The following ST7 variants were observed in gnomAD, a reference collection of about 807,000 sequenced individuals.
ST7 encodes the protein suppressor of tumorigenicity 7 protein.
In ST7, 28 loss-of-function variants were observed where a neutral mutation model predicts 78.7. The ratio of observed to expected loss-of-function variants is 0.36; its 90% CI spans 0.26 to 0.49. The LOEUF (loss-of-function observed/expected upper bound fraction) is 0.49, where lower values mean the gene tolerates loss of function less well. Ranked by LOEUF, ST7 falls within the 20% of genes least tolerant of loss-of-function variation. ST7 has a pLI of 0.99. For synonymous variants in ST7, 247 were observed against 249.6 expected (o/e 0.99, Z 0.10); for missense variants, 418 against 696.0 (o/e 0.60, Z 4.49).
At chr7:117,173,252 T>C (rs1271177809) in intron 10 of ST7, among the ~76,000 whole-genome samples, 1 of 152,220 alleles carries the variant, frequency 6.6e-6, no homozygotes, top group Non-Finnish European at 1.5e-5. Context: ...ATATTGTTGC[T>C]GAGATGCCTC....
chr7:117,100,545 G>GT (rs201131686), intron 2 of ST7, among the ~76,000 whole-genome samples: 208 of 151,514 alleles, frequency 1.4e-3, no homozygotes, highest in African/African-American at 4.5e-3. Context: ...ATATAGCTTA[G>GT]TTTTTTTTTA....
chr7:117,073,528 C>G (rs1799127339), intron 1 of ST7, among the ~76,000 whole-genome samples: 1 of 152,146 alleles, frequency 6.6e-6, no homozygotes, highest in South Asian at 2.1e-4. Flanking sequence ...TCTGGTACTC[C>G]TGAAAAGAGG....
intron 9 of ST7, among the ~76,000 whole-genome samples, chr7:117,153,806 G>A (rs1373858387): frequency 6.6e-6 from 1 of 152,198 alleles, no homozygotes; most frequent in African/African-American, 2.4e-5. Flanking sequence ...CGAATGTGAG[G>A]TAAGATGTCT....
intron 10 of ST7, among the ~76,000 whole-genome samples, chr7:117,188,127 A>G (rs1232537797): frequency 1.3e-5 from 2 of 152,230 alleles, no homozygotes; most frequent in Non-Finnish European, 2.9e-5. Flanking sequence ...TCCCTCAAAG[A>G]GAAATTCCTT....
intron 1 of ST7, among the ~76,000 whole-genome samples, chr7:117,036,946 G>A (rs1184595887): frequency 6.6e-6 from 1 of 152,108 alleles, no homozygotes; most frequent in African/African-American, 2.4e-5. Context: ...GCCGCTTACA[G>A]AATTCAGCAG....
At chr7:116,953,826 C>T (rs1478226944) in intron 1 of ST7, 135 bp downstream of exon 1, 3 of 495,164 alleles carry the variant, frequency 6.1e-6, no homozygotes, top group East Asian at 1.4e-4. Flanking sequence ...CCGCGGCTAC[C>T]CGCCAGCAAC....
intron 1 of ST7, among the ~76,000 whole-genome samples, chr7:117,080,138 G>A (rs957808652): frequency 2.0e-5 from 3 of 151,552 alleles, no homozygotes; most frequent in African/African-American, 4.8e-5. Context: ...CCGCCACTAC[G>A]CCCGGCTAAT....
chr7:117,030,496 A>G (rs1796419691), intron 1 of ST7, among the ~76,000 whole-genome samples: 1 of 152,200 alleles, frequency 6.6e-6, no homozygotes, highest in South Asian at 2.1e-4. Context: ...ACATACAGGC[A>G]AAAAACAACC....
At position 117,013,246 on chromosome 7, in the gene ST7, TCATAA is replaced by T. The variant is rs532289391; in HGVS notation, c.151+59559_151+59563del. Among the ~76,000 whole-genome samples, 12 of 152,320 alleles carry T rather than the reference TCATAA, an allele frequency of 7.9e-5. No individual in the cohort carries two copies. In the South Asian group the frequency reaches 2.5e-3, roughly 32 times the overall value. The stretch of plus-strand genomic sequence containing the variant: ...TTTTGAGCTTACTATTTTAAAACAA[TCATAA>T]CATTAATGTTCTAACCATTTGCACA... On this transcript the variant is annotated intron_variant, in intron 1 of 15. Transcript: ENST00000323984.
At chr7:117,189,237 G>T in intron 10 of ST7, 84 bp from the exon 11 acceptor site, 1 of 867,500 alleles carries the variant, frequency 1.2e-6, no homozygotes. Context: ...GCACTTAAAC[G>T]TGATTAAAAT....
chr7:117,154,254 A>G (rs1449653298), intron 9 of ST7, among the ~76,000 whole-genome samples: 1 of 152,166 alleles, frequency 6.6e-6, no homozygotes, highest in African/African-American at 2.4e-5. Context: ...AGGATACAGC[A>G]AGAAGGTGCT....
intron 1 of ST7, among the ~76,000 whole-genome samples, chr7:117,077,464 G>A (rs1349338761): frequency 6.6e-6 from 1 of 152,140 alleles, no homozygotes; most frequent in Admixed American, 6.5e-5. Context: ...TTAGAGGAAG[G>A]TAGAAGTATA....
intron 10 of ST7, among the ~76,000 whole-genome samples, chr7:117,184,621 G>A (rs145773284): frequency 3.5e-4 from 53 of 152,264 alleles, no homozygotes; most frequent in African/African-American, 1.2e-3. Context: ...ACATGTTTGA[G>A]GAAGGACAGG....
chr7:116,982,721 G>A (rs376828863), intron 1 of ST7, among the ~76,000 whole-genome samples: 1 of 152,104 alleles, frequency 6.6e-6, no homozygotes, highest in African/African-American at 2.4e-5. Flanking sequence ...CTTGGAATCA[G>A]CAGTTTCTCT....
chr7:116,979,958 C>CTT lies in ST7; in HGVS notation c.151+26283_151+26284dup, dbSNP rs745530832. ...CCTTTTTTCTTTTTCTTTTGTTTCT[C>CTT]TTTTTTTTTTTTTTTTTGGAGACAG... On this transcript the variant is annotated intron_variant, in intron 1 of 15. Transcript: ENST00000323984. Among the ~76,000 whole-genome samples, 77 of 86,256 alleles carry CTT rather than the reference C, an allele frequency of 8.9e-4. 3 individuals carry two copies. The East Asian group carries it at 0.01, about 11-fold the overall frequency. The allele number at this position is 86,256 out of a possible 152,430, so 56.6% of individuals were successfully genotyped here.
At chr7:117,026,592 C>G (rs995296886) in intron 1 of ST7, among the ~76,000 whole-genome samples, 1 of 152,150 alleles carries the variant, frequency 6.6e-6, no homozygotes, top group African/African-American at 2.4e-5. Context: ...TGGCAGCAAC[C>G]ACATGCCAGA....
intron 1 of ST7, among the ~76,000 whole-genome samples, chr7:117,098,268 G>A (rs1220603995): frequency 6.6e-6 from 1 of 151,604 alleles, no homozygotes; most frequent in South Asian, 2.1e-4. Context: ...GCATCTGCTT[G>A]GAAAGGCCCA....
At chr7:117,053,014 T>C (rs1797868142) in intron 1 of ST7, among the ~76,000 whole-genome samples, 1 of 152,224 alleles carries the variant, frequency 6.6e-6, no homozygotes, top group Non-Finnish European at 1.5e-5. Flanking sequence ...CTGTATCTTA[T>C]CAACTATTAC....
intron 1 of ST7, among the ~76,000 whole-genome samples, chr7:117,084,454 G>C (rs536924106): frequency 5.9e-5 from 9 of 152,304 alleles, no homozygotes; most frequent in African/African-American, 2.2e-4. Flanking sequence ...GGTGAGTAAT[G>C]CTGTGGGATC....
Sources: gnomAD v4.1 joint callset for allele counts (sites outside exome capture counted in the v4.1 genomes callset) on GRCh38, gnomAD v4.1.1 for gene constraint, MANE v1.5 for transcripts, NCBI Gene and HGNC (gene_info 2026-07-23, HGNC 2026-07-21) for gene names.